The following MAN2A2 variants were observed in gnomAD, a reference collection of about 807,000 sequenced individuals.
MAN2A2 encodes mannosidase alpha class 2A member 2.
Under a neutral mutation model 126.8 loss-of-function variants are expected in MAN2A2, and 79 were observed. That is an observed-to-expected ratio of 0.62 (90% CI 0.52 to 0.75). MAN2A2 has a LOEUF of 0.75. MAN2A2 is among the 30% of genes least tolerant of loss of function. The pLI, the probability that MAN2A2 is intolerant of heterozygous loss-of-function variation, is 0.00. For synonymous variants in MAN2A2, 671 were observed against 618.7 expected (o/e 1.08, Z -1.25); for missense variants, 1,392 against 1,522.4 (o/e 0.91, Z 1.43).
At chr15:90,903,021 A>G (rs1465208360), upstream of MAN2A2, 1 of 151,766 alleles carries the variant, frequency 6.6e-6, no homozygotes, top group Non-Finnish European at 1.5e-5. Context: ...CTGCCCCGAC[A>G]GAGGCCGGGC....
In MAN2A2 at chr15:90,918,664, C is replaced by T. The variant is rs758376776; in HGVS notation, c.3209C>T (p.Ala1070Val). Residue 1070 changes from alanine (A) to valine (V), a missense_variant, in exon 22 of 23, where the codon GCG becomes GTG. Physicochemically the swap from Ala to Val is moderately conservative, Grantham distance 64. Transcript: ENST00000559717. ...LQAEEDTLPS[A>V]ETALILHRKG... Reference sequence around the variant, plus strand: ...ATCCAGGAGGACACCCTACCCTCGGCGGAGACCGCACTCATCTTACACCGC... The same window carrying T: ...ATCCAGGAGGACACCCTACCCTCGGTGGAGACCGCACTCATCTTACACCGC... 383 of 1,519,690 alleles carry T rather than the reference C, an allele frequency of 2.5e-4. No individual in the cohort carries two copies. The highest frequency in any genetic ancestry group is 5.1e-4 in the Middle Eastern group (3 of 5,882). 94.1% of individuals were successfully genotyped at this position (1,519,690 alleles called of 1,614,324 possible).
chr15:90,904,296 A>G lies in MAN2A2; in HGVS notation c.89A>G (p.Gln30Arg). ...FSLYLMLDRV[Q>R]HDPTRHQNGG... ...CTCTACCTCATGCTGGACCGAGTGCAACACGATCCCACCCGACACCAGAAT... is the reference window on the plus strand; with the variant it reads ...CTCTACCTCATGCTGGACCGAGTGCGACACGATCCCACCCGACACCAGAAT... The change falls in exon 2 of 23, where the codon CAA becomes CGA. Residue 30 changes from glutamine to arginine, a missense_variant. Coordinates refer to ENST00000559717, the MANE Select transcript of MAN2A2 (RefSeq NM_006122.4). 1 of 1,614,152 alleles carries G rather than the reference A, an allele frequency of 6.2e-7. No individual in the cohort carries two copies. Among genetic ancestry groups the G allele is most frequent in the Non-Finnish European group, 8.5e-7 (1 of 1,180,024 alleles).
intron 8 of MAN2A2, 111 bp downstream of exon 8, chr15:90,907,606 C>T: frequency 1.0e-6 from 1 of 982,362 alleles, no homozygotes; most frequent in Non-Finnish European, 1.5e-6. Flanking sequence ...CTCCTAGCCT[C>T]TGCAGCAGCA....
At position 90,910,527 on chromosome 15, in the gene MAN2A2, C is replaced by T. The variant is rs1324028815; in HGVS notation, c.1604C>T (p.Ala535Val). 1.2e-6 allele frequency: 2 copies of T among 1,614,048 alleles called. No homozygotes were observed. Among genetic ancestry groups the T allele is most frequent in the South Asian group, 1.1e-5 (1 of 91,086 alleles). Reference protein sequence around the residue: ...LRGAEVLYSLAAAHARRSGLA... With the variant: ...LRGAEVLYSLVAAHARRSGLA... Reference sequence around the variant, plus strand: ...GGGGCAGAGGTTCTGTACAGCCTGGCTGCAGCTCACGCTCGCCGCTCTGGT... The same window carrying T: ...GGGGCAGAGGTTCTGTACAGCCTGGTTGCAGCTCACGCTCGCCGCTCTGGT... Residue 535 changes from alanine to valine, a missense_variant, in exon 11 of 23, where the codon GCT (alanine) becomes GTT (valine). Ala to Val is a moderately conservative substitution (Grantham distance 64, BLOSUM62 0). Transcript: ENST00000559717.
In MAN2A2 at chr15:90,919,877, C is replaced by T. The variant is rs752832925; in HGVS notation, c.*90C>T. ...GACAAGCCACACGGGTATCCCATCC[C>T]GATCTGCCTCCCAGAACTGTGACAC... On this transcript the variant is annotated 3_prime_UTR_variant, in exon 23 of 23. Transcript: ENST00000559717. 159 of 1,451,410 alleles carry T rather than the reference C, an allele frequency of 1.1e-4. No homozygotes were observed. Among genetic ancestry groups the T allele is most frequent in the Middle Eastern group, 2.1e-4 (1 of 4,726 alleles). The allele number at this position is 1,451,410 out of a possible 1,614,324, so 89.9% of individuals were successfully genotyped here.
At position 90,904,333 on chromosome 15, in the gene MAN2A2, C is replaced by T; in HGVS notation, c.126C>T (p.Phe42=). 1 of 1,613,352 alleles carries T rather than the reference C, an allele frequency of 6.2e-7. No homozygotes were observed. Among genetic ancestry groups the T allele is most frequent in the Non-Finnish European group, 8.5e-7 (1 of 1,179,418 alleles). Residue 42 remains phenylalanine (F), a synonymous_variant, in exon 2 of 23, where the codon TTC becomes TTT. Coordinates refer to ENST00000559717, the MANE Select transcript of MAN2A2 (RefSeq NM_006122.4). ...DPTRHQNGGN[F]PRSQISVLQN... ...CCCGACACCAGAATGGTGGGAACTT[C>T]CCCCGGGTGAGTCGTGCCTGGTTGC...
chr15:90,914,374 C>T (rs2151319898), intron 19 of MAN2A2, among the ~76,000 whole-genome samples: 1 of 152,326 alleles, frequency 6.6e-6, no homozygotes, highest in African/African-American at 2.4e-5. Flanking sequence ...TGGTTCTCAG[C>T]TGAGGTGTGC....
Position 90,912,379 on chromosome 15 carries a change from C to T in MAN2A2, c.2346+100C>T, listed in dbSNP as rs564416710. The T allele has an allele frequency of 4.5e-6, 7 of 1,554,096 alleles. No homozygotes were observed. The South Asian group carries it at 8.0e-5, about 18-fold the overall frequency. On this transcript the variant is annotated intron_variant, in intron 15 of 22. Coordinates refer to ENST00000559717, the MANE Select transcript of MAN2A2 (RefSeq NM_006122.4). The stretch of plus-strand genomic sequence containing the variant: ...GCCTCCCGGCCCTGTGAGCATTCTG[C>T]CACCTGACCCACAGTGGACCGGGGC...
intron 9 of MAN2A2, among the ~76,000 whole-genome samples, chr15:90,909,708 A>G (rs2034576912): frequency 6.7e-6 from 1 of 150,178 alleles, no homozygotes; most frequent in Non-Finnish European, 1.5e-5. Flanking sequence ...GGTTCACGCC[A>G]GTCTCCTGCC....
In MAN2A2 at chr15:90,912,615, C is replaced by T. The variant is rs1402796256; in HGVS notation, c.2420C>T (p.Ser807Phe). The change falls in exon 16 of 23, where the codon TCC becomes TTC. Residue 807 changes from serine to phenylalanine, a missense_variant. Ser to Phe is a radical substitution (Grantham distance 155). Coordinates refer to ENST00000559717, the MANE Select transcript of MAN2A2 (RefSeq NM_006122.4). ...GTCCTTGTCTATGGCACCCGTACGTCCAAAGACAAGAGTGGAGCCTACCTC... is the reference window on the plus strand; with the variant it reads ...GTCCTTGTCTATGGCACCCGTACGTTCAAAGACAAGAGTGGAGCCTACCTC... Reference protein sequence around the residue: ...MQVLVYGTRTSKDKSGAYLFL... With the variant: ...MQVLVYGTRTFKDKSGAYLFL... The T allele has an allele frequency of 6.2e-7, 1 of 1,614,178 alleles. No individual in the cohort carries two copies. Among genetic ancestry groups the T allele is most frequent in the Non-Finnish European group, 8.5e-7 (1 of 1,180,028 alleles).
chr15:90,916,131 G>A lies in MAN2A2; in HGVS notation c.2869G>A (p.Glu957Lys). 6.2e-7 allele frequency: 1 copy of A among 1,614,064 alleles called. No individual in the cohort carries two copies. Among genetic ancestry groups the A allele is most frequent in the African/African-American group, 1.3e-5 (1 of 75,056 alleles). ...GVSSLKDGQL[E>K]VILDRRLMQD... ...ACTGTTTGCTTCCCCAGGCCAGCTG[G>A]AGGTGATCTTGGACCGGCGGCTGAT... is the stretch of plus-strand genomic sequence containing the variant. The change falls in exon 20 of 23, where the codon GAG (glutamate) becomes AAG (lysine). Residue 957 changes from glutamate (E) to lysine (K), a missense_variant. Physicochemically the swap from Glu to Lys is moderately conservative, Grantham distance 56. Transcript: ENST00000559717.
At chr15:90,904,814 T>A (rs1042006775) in intron 2 of MAN2A2, among the ~76,000 whole-genome samples, 2 of 152,200 alleles carry the variant, frequency 1.3e-5, no homozygotes, top group Non-Finnish European at 2.9e-5. Flanking sequence ...AGGCTGGTCT[T>A]GAACTCCTGA....
At chr15:90,908,920 G>A (rs1204067351) in intron 8 of MAN2A2, among the ~76,000 whole-genome samples, 1 of 152,064 alleles carries the variant, frequency 6.6e-6, no homozygotes, top group Admixed American at 6.6e-5. Flanking sequence ...GGGTACCTAC[G>A]GATGTTATCC....
At position 90,903,316 on chromosome 15, in the gene MAN2A2, A is replaced by G. The variant is rs1048109047; in HGVS notation, c.-135A>G. 6.6e-6 allele frequency: 1 copy of G among 152,418 alleles called. No homozygotes were observed. The highest frequency in any genetic ancestry group is 1.5e-5 in the Non-Finnish European group (1 of 68,200). The allele number at this position is 152,418 out of a possible 1,614,324, so 9.4% of individuals were successfully genotyped here. A position where few individuals can be genotyped will look rare whatever the true frequency, so the allele number is the denominator to read the frequency against. On this transcript the variant is annotated 5_prime_UTR_variant, in exon 1 of 23. Coordinates refer to ENST00000559717, the MANE Select transcript of MAN2A2 (RefSeq NM_006122.4). ...CGAGCAGAATCAGATCGCGCTAAGT[A>G]GGGCACAACGCAGAGGCGACAAAGC...
In MAN2A2 at chr15:90,907,601, A is replaced by T. The variant is rs892119506; in HGVS notation, c.1196+106A>T. On this transcript the variant is annotated intron_variant, in intron 8 of 22. Coordinates refer to ENST00000559717, the MANE Select transcript of MAN2A2 (RefSeq NM_006122.4). ...GCTCAGGTGGTGAGTTGAGGCTCCT[A>T]GCCTCTGCAGCAGCAGCTCCTTACT... 2.6e-5 allele frequency: 27 copies of T among 1,032,386 alleles called. 1 individual carries two copies. In the South Asian group the frequency reaches 4.2e-4, roughly 16 times the overall value. 64.0% of individuals were successfully genotyped at this position (1,032,386 alleles called of 1,614,324 possible).
intron 21 of MAN2A2, 31 bp from the exon 22 acceptor site, chr15:90,918,614 C>T (rs1037931932): frequency 4.9e-6 from 7 of 1,442,772 alleles, no homozygotes; most frequent in African/African-American, 4.2e-5. Flanking sequence ...AAGCCCTGCG[C>T]CCACTTCCCT....
Position 90,916,586 on chromosome 15 carries a change from C to G in MAN2A2, c.2994+330C>G, listed in dbSNP as rs1160099834. ...CTCATGGCTTTCTTTGCCCCACCAG[C>G]CTGACTTTTTCTCCAAACTGGCAGC... On this transcript the variant is annotated intron_variant, in intron 20 of 22. Coordinates refer to ENST00000559717, the MANE Select transcript of MAN2A2 (RefSeq NM_006122.4). 10 of 1,347,298 alleles carry G rather than the reference C, an allele frequency of 7.4e-6. No individual in the cohort carries two copies. In the South Asian group the frequency reaches 8.6e-5, roughly 12 times the overall value. 83.5% of individuals were successfully genotyped at this position (1,347,298 alleles called of 1,614,324 possible). A position where few individuals can be genotyped will look rare whatever the true frequency, so the allele number is the denominator to read the frequency against.
At chr15:90,915,162 C>A (rs572975657) in intron 19 of MAN2A2, among the ~76,000 whole-genome samples, 1 of 152,380 alleles carries the variant, frequency 6.6e-6, no homozygotes, top group African/African-American at 2.4e-5. Context: ...CTCACTGGAT[C>A]TTCTCCTCTC....
intron 21 of MAN2A2, 67 bp downstream of exon 21, chr15:90,918,455 T>TTCC: frequency 6.6e-7 from 1 of 1,521,980 alleles, no homozygotes. Context: ...GCTCAGCTCC[T>TTCC]TCCTTAGCCT....
Sources: gnomAD v4.1 joint callset for allele counts (sites outside exome capture counted in the v4.1 genomes callset) on GRCh38, gnomAD v4.1.1 for gene constraint, MANE v1.5 for transcripts, NCBI Gene and HGNC (gene_info 2026-07-23, HGNC 2026-07-21) for gene names.